ZSCAN31: variants seen among roughly 807,000 people sequenced by gnomAD.
ZSCAN31 encodes the protein zinc finger and SCAN domain-containing protein 31.
Under a neutral mutation model 22.5 loss-of-function variants are expected in ZSCAN31, and 14 were observed. The ratio of observed to expected loss-of-function variants is 0.62; its 90% CI spans 0.41 to 0.97. The LOEUF (loss-of-function observed/expected upper bound fraction) is 0.97, where lower values mean the gene tolerates loss of function less well. Among genes scored for constraint, ZSCAN31 ranks in the 50% least tolerant of loss-of-function variants. The pLI is 0.00. For missense variants in ZSCAN31, 424 were observed against 483.4 expected (o/e 0.88, Z 1.15); for synonymous variants, 168 against 169.8 (o/e 0.99, Z 0.08).
chr6:28,354,961 A>G (rs565514684), upstream of ZSCAN31, among the ~76,000 whole-genome samples: 1 of 152,204 alleles, frequency 6.6e-6, no homozygotes, highest in Non-Finnish European at 1.5e-5. Context: ...CCCTGAGTTC[A>G]GTTTATTAGC....
At chr6:28,342,646 A>T (rs1025571674) in intron 2 of ZSCAN31, among the ~76,000 whole-genome samples, 2 of 152,144 alleles carry the variant, frequency 1.3e-5, no homozygotes, top group Non-Finnish European at 2.9e-5. Context: ...AGATAGAGGC[A>T]CTCTACTATG....
chr6:28,327,976 G>T (rs1207545235), intron 2 of ZSCAN31, among the ~76,000 whole-genome samples: 1 of 152,172 alleles, frequency 6.6e-6, no homozygotes, highest in African/African-American at 2.4e-5. Context: ...GGTGTCCAGG[G>T]AAGACATCAC....
intron 2 of ZSCAN31, among the ~76,000 whole-genome samples, chr6:28,352,835 T>G (rs922381162): frequency 2.6e-5 from 4 of 152,190 alleles, no homozygotes; most frequent in African/African-American, 9.6e-5. Flanking sequence ...CTAATTTCCT[T>G]CTATTCCCTA....
chr6:28,326,718 G>A lies in ZSCAN31; in HGVS notation c.669C>T (p.Asp223=). 1 of 1,614,078 alleles carries A rather than the reference G, an allele frequency of 6.2e-7. No homozygotes were observed. The highest frequency in any genetic ancestry group is 8.5e-7 in the Non-Finnish European group (1 of 1,180,034). ...DSKYRETCKR[D]SKAEKQQAHS... The stretch of plus-strand genomic sequence containing the variant: ...GTGCCTGCTGCTTTTCTGCCTTGCT[G>A]TCTCGTTTACAAGTTTCTCTGTACT... Residue 223 remains aspartate (D), a synonymous_variant, in exon 4 of 4, where the codon GAC becomes GAT. Coordinates refer to ENST00000344279, the MANE Select transcript of ZSCAN31 (RefSeq NM_030899.5).
chr6:28,336,252 A>G (rs1258746504), upstream of ZSCAN31: 2 of 152,162 alleles, frequency 1.3e-5, no homozygotes, highest in Non-Finnish European at 2.9e-5. Flanking sequence ...TGACTCCCTT[A>G]TTGCAAACCC....
chr6:28,330,756 C>A (rs535282606), intron 1 of ZSCAN31, among the ~76,000 whole-genome samples: 15 of 152,146 alleles, frequency 9.9e-5, no homozygotes, highest in African/African-American at 3.6e-4. Context: ...GCTATAATAT[C>A]AGATGATGAA....
Position 28,329,651 on chromosome 6 carries a change from C to T in ZSCAN31, c.33G>A (p.Lys11=), listed in dbSNP as rs1763594706. The change falls in exon 2 of 4, where the codon AAG becomes AAA. Residue 11 remains lysine, a synonymous_variant. Coordinates refer to ENST00000344279, the MANE Select transcript of ZSCAN31 (RefSeq NM_030899.5). The part of the protein sequence containing the change: MASTEEQYDL[K]IVKVEEDPIW... ...TAGGGTCTTCCTCCACTTTCACAAT[C>T]TTAAGATCGTACTGTTCCTCTGTTG... 6.2e-7 allele frequency: 1 copy of T among 1,614,006 alleles called. No individual in the cohort carries two copies. The highest frequency in any genetic ancestry group is 8.5e-7 in the Non-Finnish European group (1 of 1,180,002).
chr6:28,344,802 T>C (rs1156259302), intron 2 of ZSCAN31, among the ~76,000 whole-genome samples: 1 of 151,856 alleles, frequency 6.6e-6, no homozygotes, highest in African/African-American at 2.4e-5. Flanking sequence ...TTTAGGGTAA[T>C]GATGAATGTC....
At chr6:28,352,395 G>GCT (rs1285547959) in intron 2 of ZSCAN31, among the ~76,000 whole-genome samples, 2 of 152,132 alleles carry the variant, frequency 1.3e-5, no homozygotes, top group Admixed American at 1.3e-4. Flanking sequence ...TGGGATTACA[G>GCT]GTGTGTACCA....
chr6:28,354,986 C>T (rs750832139), upstream of ZSCAN31, among the ~76,000 whole-genome samples: 1 of 152,210 alleles, frequency 6.6e-6, no homozygotes, highest in Non-Finnish European at 1.5e-5. Context: ...TTGTCCACAC[C>T]TGGTATCAAA....
At chr6:28,354,041 G>A (rs1037818946) in intron 1 of ZSCAN31, 8 of 434,812 alleles carry the variant, frequency 1.8e-5, no homozygotes, top group Non-Finnish European at 2.8e-5. Flanking sequence ...TCCTCCGACC[G>A]CAGCCCTTCT....
chr6:28,340,792 T>G (rs955415322), upstream of ZSCAN31, among the ~76,000 whole-genome samples: 1 of 152,256 alleles, frequency 6.6e-6, no homozygotes, highest in Non-Finnish European at 1.5e-5. Flanking sequence ...GCTTTTATAT[T>G]CACATACATA....
rs948997601 is a variant in ZSCAN31, at chr6:28,347,222, A to G, written c.-370-5430T>C. ...TGTGTTATTCCTGAAAGCACAGCTC[A>G]GTAAAATTCTTGCTTAAAAATCCCA... On this transcript the variant is annotated intron_variant, in intron 2 of 7. Coordinates refer to the ZSCAN31 transcript ENST00000396838. The surrounding 1 kb of genome is among the most constrained non-coding windows in gnomAD (Gnocchi z 5.2). 1.3e-5 allele frequency among the ~76,000 whole-genome samples: 2 copies of G among 152,240 alleles called. No individual in the cohort carries two copies. The highest frequency in any genetic ancestry group is 2.9e-5 in the Non-Finnish European group (2 of 68,048).
chr6:28,343,111 G>A (rs1216029221), intron 2 of ZSCAN31, among the ~76,000 whole-genome samples: 7 of 152,160 alleles, frequency 4.6e-5, no homozygotes, highest in Non-Finnish European at 2.9e-5. Context: ...AAGGCTCATA[G>A]TGGGTCCACA....
upstream of ZSCAN31, among the ~76,000 whole-genome samples, chr6:28,340,537 G>T (rs1248419142): frequency 6.6e-6 from 1 of 152,192 alleles, no homozygotes; most frequent in African/African-American, 2.4e-5. Flanking sequence ...CTTCTGCCAT[G>T]ATTGTAAGTT....
At chr6:28,355,159 A>G (rs1765339567), upstream of ZSCAN31, among the ~76,000 whole-genome samples, 3 of 152,146 alleles carry the variant, frequency 2.0e-5, no homozygotes, top group Admixed American at 1.3e-4. Context: ...CCATAACCTT[A>G]TCTTGCATTA....
intron 2 of ZSCAN31, among the ~76,000 whole-genome samples, chr6:28,350,770 G>A (rs1764950812): frequency 6.6e-6 from 1 of 152,034 alleles, no homozygotes; most frequent in South Asian, 2.1e-4. Context: ...TATATTTTAG[G>A]AGGGAAAAAT....
chr6:28,353,079 C>A (rs1765166155), intron 2 of ZSCAN31, among the ~76,000 whole-genome samples: 2 of 151,700 alleles, frequency 1.3e-5, no homozygotes, highest in African/African-American at 2.4e-5. Context: ...AGCGATTCTC[C>A]TGCCTCAGCC....
chr6:28,334,704 G>C (rs1284613644), intron 1 of ZSCAN31, among the ~76,000 whole-genome samples: 1 of 152,178 alleles, frequency 6.6e-6, no homozygotes, highest in Non-Finnish European at 1.5e-5. Context: ...AATTGCCCTA[G>C]GTTAAGACTC....
Sources: allele counts gnomAD v4.1 joint callset (sites outside exome capture counted in the v4.1 genomes callset), GRCh38; gene constraint gnomAD v4.1.1; non-coding constraint Gnocchi (gnomAD v3.1); transcripts MANE v1.5; gene names NCBI Gene and HGNC (gene_info 2026-07-23, HGNC 2026-07-21).